Variants in NXPH1 observed in about 807,000 individuals in gnomAD.
NXPH1 encodes neurexophilin-1.
NXPH1 carries 5 observed loss-of-function variants against 23.7 expected under a neutral mutation model. That is an observed-to-expected ratio of 0.21 (90% CI 0.11 to 0.44). NXPH1 has a LOEUF of 0.44. Ranked by LOEUF, NXPH1 falls within the 20% of genes least tolerant of loss-of-function variation. NXPH1 has a pLI of 0.99. For missense variants in NXPH1, 324 were observed against 321.6 expected, an observed-to-expected ratio of 1.01 and a Z score of -0.06; for synonymous variants, 144 against 122.2, an observed-to-expected ratio of 1.18 and a Z score of -1.18.
At chr7:8,695,393 A>G (rs1039039773) in intron 2 of NXPH1, among the ~76,000 whole-genome samples, 2 of 152,128 alleles carry the variant, frequency 1.3e-5, no homozygotes, top group Admixed American at 6.5e-5. Flanking sequence ...TTACCATGTT[A>G]CAGAATGTAG....
chr7:8,496,971 A>G (rs947103895), intron 2 of NXPH1, among the ~76,000 whole-genome samples: 6 of 152,048 alleles, frequency 3.9e-5, no homozygotes, highest in Non-Finnish European at 8.8e-5. Flanking sequence ...TGCACCCATT[A>G]ACTGGTCATT....
At chr7:8,528,988 G>A (rs528790743) in intron 2 of NXPH1, among the ~76,000 whole-genome samples, 1 of 152,194 alleles carries the variant, frequency 6.6e-6, no homozygotes, top group African/African-American at 2.4e-5. Flanking sequence ...CCCATCTGGG[G>A]TTCAGTGTCC....
intron 2 of NXPH1, among the ~76,000 whole-genome samples, chr7:8,446,293 G>T (rs1280367715): frequency 6.6e-6 from 1 of 152,078 alleles, no homozygotes; most frequent in East Asian, 1.9e-4. Flanking sequence ...TTATGTACTT[G>T]ACGTGTTTTG....
intron 2 of NXPH1, among the ~76,000 whole-genome samples, chr7:8,555,813 CT>C (rs1307125235): frequency 2.6e-5 from 4 of 151,710 alleles, no homozygotes; most frequent in African/African-American, 9.7e-5. Context: ...TGTGTGTCTA[CT>C]TTATATTTTT....
intron 2 of NXPH1, among the ~76,000 whole-genome samples, chr7:8,591,968 C>A (rs1819105320): frequency 6.6e-6 from 1 of 151,466 alleles, no homozygotes. Context: ...TACTCATTAT[C>A]ATCTTTCAGT....
intron 2 of NXPH1, among the ~76,000 whole-genome samples, chr7:8,692,773 T>C (rs1167806794): frequency 6.6e-6 from 1 of 152,120 alleles, no homozygotes; most frequent in Non-Finnish European, 1.5e-5. Flanking sequence ...AAAAGGGTGA[T>C]GGTAACTTCT....
At chr7:8,505,805 A>G (rs1817512516) in intron 2 of NXPH1, among the ~76,000 whole-genome samples, 1 of 152,206 alleles carries the variant, frequency 6.6e-6, no homozygotes, top group African/African-American at 2.4e-5. Context: ...TTGCTAGAAA[A>G]TTGACTCTGA....
intron 2 of NXPH1, among the ~76,000 whole-genome samples, chr7:8,745,209 T>C (rs2115231052): frequency 6.6e-6 from 1 of 152,346 alleles, no homozygotes; most frequent in East Asian, 1.9e-4. Flanking sequence ...CCTTTCTTTA[T>C]TGACAAGTGA....
chr7:8,626,550 A>G (rs1166959957), intron 2 of NXPH1, among the ~76,000 whole-genome samples: 1 of 152,000 alleles, frequency 6.6e-6, no homozygotes, highest in African/African-American at 2.4e-5. Flanking sequence ...ATTACTCCTT[A>G]CAATGACTGA....
At position 8,674,203 on chromosome 7, in the gene NXPH1, A is replaced by ACACACACACC. The variant is rs749254159; in HGVS notation, c.55-76804_55-76803insACACACACCC. On this transcript the variant is annotated intron_variant, in intron 2 of 2. Coordinates refer to ENST00000405863, the MANE Select transcript of NXPH1 (RefSeq NM_152745.3). ...CACACACACACACACACACACACAC[A>ACACACACACC]CCTATGCAATTCAATCCTTGCTGCA... Among the ~76,000 whole-genome samples, 504 of 115,358 alleles carry ACACACACACC rather than the reference A, an allele frequency of 4.4e-3. 15 individuals carry two copies. The highest frequency in any genetic ancestry group is 4.7e-3 in the Non-Finnish European group (231 of 49,394). The allele number at this position is 115,358 out of a possible 152,430, so 75.7% of individuals were successfully genotyped here.
chr7:8,602,660 G>A (rs1214160324), intron 2 of NXPH1, among the ~76,000 whole-genome samples: 3 of 152,096 alleles, frequency 2.0e-5, no homozygotes, highest in Non-Finnish European at 4.4e-5. Context: ...TAGATTTCAA[G>A]TCTGGAAGGA....
chr7:8,701,968 A>G (rs1779629770), intron 2 of NXPH1, among the ~76,000 whole-genome samples: 1 of 151,900 alleles, frequency 6.6e-6, no homozygotes, highest in South Asian at 2.1e-4. Flanking sequence ...TTGCAAATTT[A>G]TTGAATAAAA....
At chr7:8,667,084 T>C (rs1472875667) in intron 2 of NXPH1, among the ~76,000 whole-genome samples, 3 of 152,150 alleles carry the variant, frequency 2.0e-5, no homozygotes, top group Admixed American at 2.0e-4. Flanking sequence ...TGAACACTTT[T>C]ACTCCACATA....
At chr7:8,604,039 G>A (rs754184899) in intron 2 of NXPH1, among the ~76,000 whole-genome samples, 4 of 151,978 alleles carry the variant, frequency 2.6e-5, no homozygotes, top group Non-Finnish European at 4.4e-5. Context: ...TTAGCTATGC[G>A]ATATCATCAG....
At chr7:8,599,137 C>A (rs1185626875) in intron 2 of NXPH1, among the ~76,000 whole-genome samples, 2 of 151,994 alleles carry the variant, frequency 1.3e-5, no homozygotes, top group African/African-American at 4.8e-5. Context: ...ATAAGAGGAA[C>A]AAATAGAAGG....
At chr7:8,743,990 T>C (rs1323313004) in intron 2 of NXPH1, among the ~76,000 whole-genome samples, 1 of 152,186 alleles carries the variant, frequency 6.6e-6, no homozygotes, top group Non-Finnish European at 1.5e-5. Flanking sequence ...TGCCAAAGCA[T>C]GGCAACTCTT....
intron 2 of NXPH1, among the ~76,000 whole-genome samples, chr7:8,586,559 A>G (rs1281889087): frequency 4.6e-5 from 7 of 151,864 alleles, no homozygotes; most frequent in Non-Finnish European, 7.4e-5. Flanking sequence ...GCCAAGGTAG[A>G]AAGGGGATTA....
At chr7:8,745,506 G>GT (rs112416979) in intron 2 of NXPH1, among the ~76,000 whole-genome samples, 9,179 of 150,420 alleles carry the variant, frequency 0.061, 929 homozygotes, top group African/African-American at 0.21. Flanking sequence ...AGAATAATAA[G>GT]TTTTTTTTTC....
chr7:8,549,520 T>A (rs908437903), intron 2 of NXPH1, among the ~76,000 whole-genome samples: 155 of 151,622 alleles, frequency 1.0e-3, no homozygotes, highest in African/African-American at 3.6e-3. Context: ...TTTGAGTAAG[T>A]TGTTTCTAAG....
Sources: allele counts gnomAD v4.1 joint callset (sites outside exome capture counted in the v4.1 genomes callset), GRCh38; gene constraint gnomAD v4.1.1; transcripts MANE v1.5; gene names NCBI Gene and HGNC (gene_info 2026-07-23, HGNC 2026-07-21).